Variants in CARMIL1 observed in about 807,000 individuals in gnomAD.
CARMIL1 encodes F-actin-uncapping protein LRRC16A.
CARMIL1 carries 90 observed loss-of-function variants against 177.1 expected under a neutral mutation model. The observed-to-expected ratio is 0.51, with a 90% CI of 0.43 to 0.61. The LOEUF (loss-of-function observed/expected upper bound fraction) is 0.61. Ranked by LOEUF, CARMIL1 falls within the 20% of genes least tolerant of loss-of-function variation. CARMIL1 has a pLI of 0.00. For missense variants in CARMIL1, 1,380 were observed against 1,667.0 expected (o/e 0.83, Z 3.00); for synonymous variants, 577 against 606.2 (o/e 0.95, Z 0.71).
chr6:25,573,956 T>C (rs936181770), intron 29 of CARMIL1, among the ~76,000 whole-genome samples: 1 of 152,216 alleles, frequency 6.6e-6, no homozygotes, highest in Non-Finnish European at 1.5e-5. Flanking sequence ...CCAGACACTT[T>C]TTAACACTTC....
chr6:25,279,702 C>T lies in CARMIL1; in HGVS notation c.-94C>T. On this transcript the variant is annotated 5_prime_UTR_variant, in exon 1 of 37. Transcript: ENST00000329474. ...GCCCACTTCCATTTGCAAGCTGCAT[C>T]TGCCTCTCTAAAAAAATTGAGGAGT... The T allele has an allele frequency of 1.7e-6, 2 of 1,195,598 alleles. No individual in the cohort carries two copies. Among genetic ancestry groups the T allele is most frequent in the Non-Finnish European group, 2.5e-6 (2 of 798,584 alleles). The allele number at this position is 1,195,598 out of a possible 1,614,324, so 74.1% of individuals were successfully genotyped here. A position where few individuals can be genotyped will look rare whatever the true frequency, so the allele number is the denominator to read the frequency against.
intron 8 of CARMIL1, among the ~76,000 whole-genome samples, chr6:25,451,487 A>G (rs1048847812): frequency 6.6e-6 from 1 of 152,184 alleles, no homozygotes; most frequent in Admixed American, 6.5e-5. Flanking sequence ...TGTGATAGTG[A>G]TAATAAAGTC....
In CARMIL1 at chr6:25,366,584, G is replaced by A. The variant is rs80330280; in HGVS notation, c.139-53530G>A. ...AAACCTCCTGAAGGCAGGGATTTTT[G>A]CCTATTTTGCTCACTGCTGTATATC... On this transcript the variant is annotated intron_variant, in intron 2 of 36. Transcript: ENST00000329474. Among the ~76,000 whole-genome samples, 1,926 of 150,792 alleles carry A rather than the reference G, an allele frequency of 0.013. 67 individuals are homozygous for A. In the East Asian group the frequency reaches 0.14, roughly 11 times the overall value.
chr6:25,480,847 A>G (rs1802055134), intron 11 of CARMIL1, among the ~76,000 whole-genome samples: 1 of 149,090 alleles, frequency 6.7e-6, no homozygotes, highest in Admixed American at 6.8e-5. Context: ...CAGCCTCCGG[A>G]GTAGTTGGAA....
intron 2 of CARMIL1, among the ~76,000 whole-genome samples, chr6:25,400,494 G>A (rs1033460674): frequency 1.3e-5 from 2 of 152,132 alleles, no homozygotes; most frequent in Non-Finnish European, 2.9e-5. Flanking sequence ...ACCTTTTGTT[G>A]TAAAATGCTC....
In CARMIL1 at chr6:25,387,114, C is replaced by CAAAAAAAAAAAAAAAAAA. The variant is rs377548646; in HGVS notation, c.139-32998_139-32981dup. ...GGGTGACAGAGTGAGACTCTGTCTC[C>CAAAAAAAAAAAAAAAAAA]AAAAAAAAAAAAAAAAAAATCACAA... On this transcript the variant is annotated intron_variant, in intron 2 of 36. Transcript: ENST00000329474. Among the ~76,000 whole-genome samples, 119 of 101,884 alleles carry CAAAAAAAAAAAAAAAAAA rather than the reference C, an allele frequency of 1.2e-3. 4 individuals carry two copies. The East Asian group carries it at 0.012, about 10-fold the overall frequency. 66.8% of individuals were successfully genotyped at this position (101,884 alleles called of 152,430 possible).
At chr6:25,416,814 G>A (rs1317408714) in intron 2 of CARMIL1, among the ~76,000 whole-genome samples, 2 of 152,100 alleles carry the variant, frequency 1.3e-5, no homozygotes, top group Non-Finnish European at 2.9e-5. Context: ...GGAATTTTAG[G>A]TCTTTGACAA....
chr6:25,567,344 G>A lies in CARMIL1; in HGVS notation c.2742+10494G>A, dbSNP rs1194933001. Among the ~76,000 whole-genome samples, 3 of 150,816 alleles carry A rather than the reference G, an allele frequency of 2.0e-5. No homozygotes were observed. The East Asian group carries it at 5.8e-4, about 29-fold the overall frequency. ...GAGGTTTATTATTCTCAGTGGAACTGGGGGAGATACTAACCTATGGTAGCA... is the reference window on the plus strand; with the variant it reads ...GAGGTTTATTATTCTCAGTGGAACTAGGGGAGATACTAACCTATGGTAGCA... On this transcript the variant is annotated intron_variant, in intron 29 of 36. Transcript: ENST00000329474.
intron 23 of CARMIL1, among the ~76,000 whole-genome samples, chr6:25,527,333 GGAAGCACCACTGGTGCATCT>G (rs1807251117): frequency 6.6e-6 from 1 of 152,162 alleles, no homozygotes; most frequent in African/African-American, 2.4e-5. Context: ...CTTTTGAACT[GGAAGCACCACTGGTGCATCT>G]GGGGAAATGT....
intron 8 of CARMIL1, chr6:25,452,555 T>C (rs116272812): frequency 0.09 from 17,660 of 195,290 alleles, 991 homozygotes; most frequent in Non-Finnish European, 0.13. Flanking sequence ...AAATATTTAT[T>C]AATTAAAAAG....
At chr6:25,466,242 A>G (rs1403327882) in intron 9 of CARMIL1, among the ~76,000 whole-genome samples, 2 of 152,196 alleles carry the variant, frequency 1.3e-5, no homozygotes, top group Non-Finnish European at 2.9e-5. Context: ...AAAAACTGTT[A>G]AAGTTACATT....
chr6:25,595,566 C>G (rs1814758983), intron 32 of CARMIL1, among the ~76,000 whole-genome samples: 1 of 152,170 alleles, frequency 6.6e-6, no homozygotes, highest in African/African-American at 2.4e-5. Flanking sequence ...ACCTAAATGT[C>G]ATTTATTCTT....
chr6:25,470,874 T>C (rs114391574), intron 9 of CARMIL1, among the ~76,000 whole-genome samples: 1 of 152,238 alleles, frequency 6.6e-6, no homozygotes, highest in Non-Finnish European at 1.5e-5. Flanking sequence ...GTGGGGAAAT[T>C]AGGTTTTTAA....
chr6:25,616,593 G>A (rs1213283577), intron 36 of CARMIL1, among the ~76,000 whole-genome samples: 1 of 152,106 alleles, frequency 6.6e-6, no homozygotes, highest in Admixed American at 6.6e-5. Flanking sequence ...ATAAATGCTT[G>A]CATGCATACA....
At chr6:25,382,573 G>T (rs550677544) in intron 2 of CARMIL1, among the ~76,000 whole-genome samples, 7 of 152,160 alleles carry the variant, frequency 4.6e-5, no homozygotes, top group Admixed American at 3.3e-4. Flanking sequence ...ATTTGTCCCC[G>T]CCTATGTCCT....
rs1334274592 is a variant in CARMIL1 at position 25,334,508 on chromosome 6, T to G, written c.138+49599T>G. 6.4e-3 allele frequency among the ~76,000 whole-genome samples: 979 copies of G among 152,324 alleles called. 12 individuals are homozygous for G. The highest frequency in any genetic ancestry group is 0.021 in the African/African-American group (860 of 41,568). On this transcript the variant is annotated intron_variant, in intron 2 of 36. Transcript: ENST00000329474. Reference sequence around the variant, plus strand: ...AATTTGCAGTTATCAGCTTAACTAATCTCCATGCCCACATTTCTTGCTTCT... The same window carrying G: ...AATTTGCAGTTATCAGCTTAACTAAGCTCCATGCCCACATTTCTTGCTTCT...
At position 25,619,427 on chromosome 6, in the gene CARMIL1, G is replaced by A. The variant is rs752373003; in HGVS notation, c.3980-20G>A. 37 of 1,606,818 alleles carry A rather than the reference G, an allele frequency of 2.3e-5. No individual in the cohort carries two copies. Among genetic ancestry groups the A allele is most frequent in the Non-Finnish European group, 2.9e-5 (34 of 1,177,402 alleles). ...GTATTACTTTGTCAGTAAACTGTGC[G>A]ACTTCCCTTTTTATTTCAGTTTCAA... is the stretch of plus-strand genomic sequence containing the variant. On this transcript the variant is annotated intron_variant, in intron 36 of 36. Coordinates refer to ENST00000329474, the MANE Select transcript of CARMIL1 (RefSeq NM_017640.6).
Position 25,444,081 on chromosome 6 carries a change from G to A in CARMIL1, c.372-5817G>A, listed in dbSNP as rs540770292. 6.4e-4 allele frequency among the ~76,000 whole-genome samples: 97 copies of A among 152,254 alleles called. 3 individuals carry two copies. In the South Asian group the frequency reaches 0.02, roughly 31 times the overall value. On this transcript the variant is annotated intron_variant, in intron 5 of 36. Transcript: ENST00000329474. ...GCCTTCCAAAGTGCTGGGATTACAG[G>A]CATGAGCCACTGCGCCTGGACTTAC...
chr6:25,417,379 G>C (rs1450875688), intron 2 of CARMIL1, among the ~76,000 whole-genome samples: 2 of 152,050 alleles, frequency 1.3e-5, no homozygotes, highest in African/African-American at 4.8e-5. Flanking sequence ...ATGATCTCCT[G>C]CCCTTTTGCA....
Sources: gnomAD v4.1 joint callset for allele counts (sites outside exome capture counted in the v4.1 genomes callset) on GRCh38, gnomAD v4.1.1 for gene constraint, MANE v1.5 for transcripts, NCBI Gene and HGNC (gene_info 2026-07-23, HGNC 2026-07-21) for gene names.